The following SYTL5 variants were observed in gnomAD, a reference collection of about 807,000 sequenced individuals.
The protein encoded by SYTL5 is synaptotagmin-like protein 5.
In SYTL5, 34 loss-of-function variants were observed where a neutral mutation model predicts 55.9. That is an observed-to-expected ratio of 0.61 (90% confidence interval 0.46 to 0.81). SYTL5 has a LOEUF of 0.81. SYTL5 is among the 30% of genes least tolerant of loss of function. The pLI, the probability that SYTL5 is intolerant of heterozygous loss-of-function variation, is 0.00. For synonymous variants in SYTL5, 221 were observed against 188.7 expected, an observed-to-expected ratio of 1.17 and a Z score of -1.40; for missense variants, 637 against 546.7, an observed-to-expected ratio of 1.17 and a Z score of -1.65.
At chrX:38,108,753 G>GAAGTT in intron 12 of SYTL5, 54 bp downstream of exon 12, 1 of 750,796 alleles carries the variant, frequency 1.3e-6, no homozygotes, top group Non-Finnish European at 2.0e-6. Context: ...CAACTTCAAT[G>GAAGTT]GTTTAGAAGT....
chrX:37,962,369 C>T, the SYTL5 span, among the ~76,000 whole-genome samples: 1 of 111,197 alleles, frequency 9.0e-6, no homozygotes, highest in Non-Finnish European at 1.9e-5. Context: ...ATGATGGTTT[C>T]CAACTTCATC....
chrX:37,915,659 G>A, the SYTL5 span, among the ~76,000 whole-genome samples: 1 of 111,990 alleles, frequency 8.9e-6, no homozygotes, highest in African/African-American at 3.2e-5. Context: ...CACGGGTACT[G>A]CTAATACTAC....
the SYTL5 span, among the ~76,000 whole-genome samples, chrX:37,934,098 A>G: frequency 1.7e-4 from 19 of 111,795 alleles, no homozygotes; most frequent in Admixed American, 1.8e-3. Flanking sequence ...GGGAGGTAGG[A>G]GAAATTGATT....
chrX:38,041,002 G>C (rs762374296), intron 2 of SYTL5, among the ~76,000 whole-genome samples: 2 of 111,816 alleles, frequency 1.8e-5, no homozygotes, highest in Non-Finnish European at 3.8e-5. Context: ...CTTGTGTAAA[G>C]CTGGCTCAGT....
chrX:37,940,078 C>T, the SYTL5 span, among the ~76,000 whole-genome samples: 5 of 109,901 alleles, frequency 4.5e-5, no homozygotes, highest in East Asian at 5.7e-4. Context: ...TAAGGTGATC[C>T]GCCCGCCTCA....
chrX:37,974,247 C>T, the SYTL5 span, among the ~76,000 whole-genome samples: 1 of 112,152 alleles, frequency 8.9e-6, no homozygotes, highest in African/African-American at 3.2e-5. Flanking sequence ...GAAATATATT[C>T]TGTCATAAAA....
At chrX:38,078,627 T>C (rs1054239301) in intron 6 of SYTL5, among the ~76,000 whole-genome samples, 2 of 112,237 alleles carry the variant, frequency 1.8e-5, no homozygotes, top group African/African-American at 3.2e-5. Flanking sequence ...TATTTTAAGT[T>C]ATATGTCTTA....
intron 2 of SYTL5, among the ~76,000 whole-genome samples, chrX:38,048,210 G>C (rs747489227): frequency 5.5e-5 from 6 of 108,949 alleles, no homozygotes; most frequent in Non-Finnish European, 1.1e-4. Flanking sequence ...AATAACAAGA[G>C]TCACCTTTGC....
intron 2 of SYTL5, among the ~76,000 whole-genome samples, chrX:38,047,810 A>T (rs1400446626): frequency 9.0e-6 from 1 of 111,558 alleles, no homozygotes; most frequent in African/African-American, 3.3e-5. Flanking sequence ...TTCTTCCCCC[A>T]GATACTGTAA....
intron 3 of SYTL5, among the ~76,000 whole-genome samples, chrX:38,061,658 G>T (rs1444425412): frequency 8.9e-6 from 1 of 111,968 alleles, no homozygotes; most frequent in Non-Finnish European, 1.9e-5. Flanking sequence ...AAGGTTACCT[G>T]TTATAATGGG....
chrX:37,962,542 A>G, the SYTL5 span, among the ~76,000 whole-genome samples: 1 of 112,012 alleles, frequency 8.9e-6, no homozygotes, highest in Non-Finnish European at 1.9e-5. Flanking sequence ...ATACGTGTGC[A>G]TGTGTCTTTA....
chrX:38,041,079 C>T (rs988310833), intron 2 of SYTL5, among the ~76,000 whole-genome samples: 2 of 111,742 alleles, frequency 1.8e-5, no homozygotes, highest in African/African-American at 6.5e-5. Context: ...AGCCTAGTAA[C>T]TCCCATTCAC....
the SYTL5 span, among the ~76,000 whole-genome samples, chrX:37,898,275 C>T: frequency 2.7e-5 from 3 of 111,575 alleles, no homozygotes; most frequent in Admixed American, 2.8e-4. Flanking sequence ...ATTGCCCCAC[C>T]TCCTAATACT....
intron 1 of SYTL5, among the ~76,000 whole-genome samples, chrX:38,030,204 T>C (rs1460708181): frequency 9.0e-6 from 1 of 111,553 alleles, no homozygotes; most frequent in Non-Finnish European, 1.9e-5. Context: ...CCCAAAAGTA[T>C]ATTTCCTACC....
At chrX:37,920,384 T>C in the SYTL5 span, among the ~76,000 whole-genome samples, 1 of 109,895 alleles carries the variant, frequency 9.1e-6, no homozygotes, top group Non-Finnish European at 1.9e-5. Flanking sequence ...TCTGTGGAGG[T>C]AGCTTTTCCT....
chrX:38,032,464 T>A (rs187454230), intron 1 of SYTL5, among the ~76,000 whole-genome samples: 64 of 111,216 alleles, frequency 5.8e-4, no homozygotes, highest in African/African-American at 2.0e-3. Flanking sequence ...CCTAAAATAA[T>A]TCACAAACAA....
At position 38,037,631 on chromosome X, in the gene SYTL5, C is replaced by A. The variant is rs745746191; in HGVS notation, c.119+3623C>A. On this transcript the variant is annotated intron_variant, in intron 2 of 16. Coordinates refer to ENST00000297875, the MANE Select transcript of SYTL5 (RefSeq NM_138780.3). ...AAGAAAGAAGCCCAAGATTAAGCAT[C>A]TTGGTCAGATAATATAACTTTCTGT... 8.1e-5 allele frequency among the ~76,000 whole-genome samples: 9 copies of A among 111,584 alleles called. No homozygotes were observed. The South Asian group carries it at 3.4e-3, about 42-fold the overall frequency.
chrX:38,050,857 G>C (rs5918463), intron 2 of SYTL5, among the ~76,000 whole-genome samples: 45,123 of 110,812 alleles, frequency 0.41, 8,872 homozygotes, highest in African/African-American at 0.76. Context: ...ATTCTCTATG[G>C]AAAGAAAAGG....
the SYTL5 span, among the ~76,000 whole-genome samples, chrX:37,936,839 C>T: frequency 4.6e-5 from 5 of 108,493 alleles, no homozygotes; most frequent in Admixed American, 9.8e-5. Flanking sequence ...GTTGGGAGTT[C>T]GAGACCAGCC....
Sources: allele counts gnomAD v4.1 joint callset (sites outside exome capture counted in the v4.1 genomes callset), GRCh38; gene constraint gnomAD v4.1.1; transcripts MANE v1.5; gene names NCBI Gene and HGNC (gene_info 2026-07-23, HGNC 2026-07-21).